HEMK2: variants seen among roughly 807,000 people sequenced by gnomAD.
HEMK2 encodes the protein methyltransferase HEMK2.
chr21:28,726,772 G>C, the HEMK2 span, among the ~76,000 whole-genome samples: 1 of 151,800 alleles, frequency 6.6e-6, no homozygotes. Flanking sequence ...GCCGGGAGTG[G>C]TGGTGGGTGC....
chr21:28,841,642 T>C, the HEMK2 span, among the ~76,000 whole-genome samples: 1 of 149,406 alleles, frequency 6.7e-6, no homozygotes, highest in African/African-American at 2.5e-5. Flanking sequence ...ATAAGAATTA[T>C]ACGATGGACT....
At chr21:28,736,526 T>C in the HEMK2 span, among the ~76,000 whole-genome samples, 4 of 152,150 alleles carry the variant, frequency 2.6e-5, no homozygotes, top group East Asian at 7.8e-4. Flanking sequence ...GAGGCCGAGG[T>C]AGGCAGATCA....
chr21:28,667,817 T>C, the HEMK2 span, among the ~76,000 whole-genome samples: 1 of 152,206 alleles, frequency 6.6e-6, no homozygotes, highest in African/African-American at 2.4e-5. Flanking sequence ...TGTGATCCTT[T>C]GTGATCCTTC....
At chr21:28,804,906 T>C in the HEMK2 span, among the ~76,000 whole-genome samples, 1 of 152,208 alleles carries the variant, frequency 6.6e-6, no homozygotes, top group African/African-American at 2.4e-5. Context: ...AATTCATGTT[T>C]CTCAAAGTAC....
At chr21:28,833,530 C>T in the HEMK2 span, among the ~76,000 whole-genome samples, 1 of 152,210 alleles carries the variant, frequency 6.6e-6, no homozygotes, top group Non-Finnish European at 1.5e-5. Flanking sequence ...CATGCCAGTG[C>T]TTTAACTAAA....
At chr21:28,586,450 A>G in the HEMK2 span, among the ~76,000 whole-genome samples, 7 of 152,284 alleles carry the variant, frequency 4.6e-5, no homozygotes, top group East Asian at 1.3e-3. Context: ...TCTTCCAAAG[A>G]TAGTATAAGA....
the HEMK2 span, among the ~76,000 whole-genome samples, chr21:28,842,826 T>C: frequency 3.9e-5 from 6 of 152,134 alleles, no homozygotes; most frequent in African/African-American, 7.2e-5. Flanking sequence ...TCTGATTGTA[T>C]ACAGAGAATC....
the HEMK2 span, among the ~76,000 whole-genome samples, chr21:28,800,045 A>C: frequency 6.6e-6 from 1 of 152,174 alleles, no homozygotes; most frequent in Non-Finnish European, 1.5e-5. Flanking sequence ...ATCCTGTTTT[A>C]TGCACGTGAT....
the HEMK2 span, among the ~76,000 whole-genome samples, chr21:28,823,812 A>G: frequency 6.6e-6 from 1 of 152,130 alleles, no homozygotes; most frequent in South Asian, 2.1e-4. Context: ...TACCTGCCAT[A>G]TGTTAACCCT....
chr21:28,703,294 A>G, the HEMK2 span, among the ~76,000 whole-genome samples: 1 of 148,450 alleles, frequency 6.7e-6, no homozygotes, highest in Non-Finnish European at 1.5e-5. Context: ...AAACCTGCAC[A>G]TGTACCCCTG....
At chr21:28,870,845 T>C in the HEMK2 span, among the ~76,000 whole-genome samples, 28 of 152,366 alleles carry the variant, frequency 1.8e-4, no homozygotes, top group African/African-American at 6.7e-4. Flanking sequence ...TATTGATTCT[T>C]TGAATTTTAC....
chr21:28,884,836 G>A, the HEMK2 span, among the ~76,000 whole-genome samples: 1 of 152,112 alleles, frequency 6.6e-6, no homozygotes, highest in Non-Finnish European at 1.5e-5. Flanking sequence ...ATTTTAATAT[G>A]TAATACTTTA....
At chr21:28,803,190 C>A in the HEMK2 span, among the ~76,000 whole-genome samples, 1 of 152,160 alleles carries the variant, frequency 6.6e-6, no homozygotes, top group Non-Finnish European at 1.5e-5. Flanking sequence ...TGGAAAAAAT[C>A]ATTTCCCTCG....
the HEMK2 span, among the ~76,000 whole-genome samples, chr21:28,757,759 G>A: frequency 3.3e-5 from 5 of 152,146 alleles, no homozygotes; most frequent in South Asian, 4.1e-4. Flanking sequence ...TAGGATAAGC[G>A]TAGACGTAAG....
At chr21:28,757,242 A>G in the HEMK2 span, among the ~76,000 whole-genome samples, 1 of 152,210 alleles carries the variant, frequency 6.6e-6, no homozygotes, top group Non-Finnish European at 1.5e-5. Flanking sequence ...AATGAAGAGA[A>G]CCCAATTATG....
At chr21:28,613,909 C>T in the HEMK2 span, among the ~76,000 whole-genome samples, 1 of 147,124 alleles carries the variant, frequency 6.8e-6, no homozygotes, top group Non-Finnish European at 1.5e-5. Context: ...TATAAAAGTG[C>T]ACTTTCTTCA....
At chr21:28,647,321 TAAAAA>T in the HEMK2 span, among the ~76,000 whole-genome samples, 1 of 46,422 alleles carries the variant, frequency 2.2e-5, no homozygotes, top group African/African-American at 9.0e-5. Flanking sequence ...CCATCTCTAC[TAAAAA>T]AAAAAAAAAA....
chr21:28,781,206 T>G, the HEMK2 span, among the ~76,000 whole-genome samples: 43 of 152,306 alleles, frequency 2.8e-4, no homozygotes, highest in African/African-American at 9.4e-4. Flanking sequence ...AGCACTCTTT[T>G]ATTATTTGAC....
the HEMK2 span, chr21:28,885,174 G>C: frequency 6.6e-7 from 1 of 1,510,882 alleles, no homozygotes; most frequent in Admixed American, 2.0e-5. Context: ...TCAGAAAGCC[G>C]CAACCCTTTC....
Sources: allele counts gnomAD v4.1 joint callset (sites outside exome capture counted in the v4.1 genomes callset), GRCh38; gene constraint gnomAD v4.1.1; transcripts MANE v1.5; gene names NCBI Gene and HGNC (gene_info 2026-07-23, HGNC 2026-07-21).